CLRN1: variants seen among roughly 807,000 people sequenced by gnomAD.
CLRN1 encodes clarin 1.
Under a neutral mutation model 18.7 loss-of-function variants are expected in CLRN1, and 15 were observed. The observed-to-expected ratio is 0.80, with a 90% CI of 0.54 to 1.23. CLRN1 has a LOEUF of 1.23. CLRN1 is among the 50% of genes most tolerant of loss of function. CLRN1 has a pLI of 0.00. For missense variants in CLRN1, 311 were observed against 277.5 expected (o/e 1.12, Z -0.86); for synonymous variants, 104 against 102.9 (o/e 1.01, Z -0.07).
chr3:150,964,849 A>G (rs1715191675), intron 1 of CLRN1, among the ~76,000 whole-genome samples: 1 of 151,768 alleles, frequency 6.6e-6, no homozygotes, highest in African/African-American at 2.4e-5. Context: ...GAGTTGAACA[A>G]TGAGAACACA....
intron 1 of CLRN1, among the ~76,000 whole-genome samples, chr3:150,959,084 C>G (rs559369685): frequency 3.3e-5 from 5 of 152,290 alleles, no homozygotes; most frequent in Non-Finnish European, 7.4e-5. Flanking sequence ...AAACATGACC[C>G]AGCCCATCCT....
At chr3:150,939,712 T>G (rs1713699128) in intron 2 of CLRN1, among the ~76,000 whole-genome samples, 4 of 152,220 alleles carry the variant, frequency 2.6e-5, no homozygotes, top group Admixed American at 2.6e-4. Flanking sequence ...TTTACATTCC[T>G]TCTGTTAAAA....
At position 150,928,065 on chromosome 3, in the gene CLRN1, C is replaced by A. The variant is rs1576623358; in HGVS notation, c.570G>T (p.Trp190Cys). The stretch of plus-strand genomic sequence containing the variant: ...GAACAAAAAAGCAAAAGAAAATGAC[C>A]CAGAATGAGGTGGTATATTTTTCAC... ...TQSEKYTTSF[W>C]VIFFCFFVHF... Residue 190 changes from tryptophan (W) to cysteine (C), a missense_variant, in exon 3 of 3, where the codon TGG (tryptophan) becomes TGT (cysteine). Coordinates refer to ENST00000327047, the MANE Select transcript of CLRN1 (RefSeq NM_174878.3). 1 of 1,614,020 alleles carries A rather than the reference C, an allele frequency of 6.2e-7. No homozygotes were observed. The highest frequency in any genetic ancestry group is 1.3e-5 in the African/African-American group (1 of 74,978).
At chr3:150,928,368 C>T (rs1712947278) in intron 2 of CLRN1, among the ~76,000 whole-genome samples, 167 bp from the exon 3 acceptor site, 1 of 152,156 alleles carries the variant, frequency 6.6e-6, no homozygotes, top group Non-Finnish European at 1.5e-5. Flanking sequence ...TCTTCAGTCT[C>T]TAGGTGGTAG....
intron 1 of CLRN1, among the ~76,000 whole-genome samples, chr3:150,958,041 T>G (rs1006875505): frequency 3.3e-5 from 5 of 152,224 alleles, no homozygotes; most frequent in African/African-American, 1.2e-4. Context: ...GCTAATCTGC[T>G]GATTCCCACT....
Position 150,956,372 on chromosome 3 carries a change from T to C in CLRN1, c.254-14611A>G, listed in dbSNP as rs1714736597. On this transcript the variant is annotated intron_variant, in intron 1 of 2. Transcript: ENST00000327047. ...ACTTTTTCAACCCTGATTCAAAGCT[T>C]GATTCCCTCTCCATGAAGTCTGGTA... Among the ~76,000 whole-genome samples the C allele has an allele frequency of 2.0e-5, 3 of 152,138 alleles. No individual in the cohort carries two copies. In the South Asian group the frequency reaches 6.2e-4, roughly 32 times the overall value.
intron 1 of CLRN1, among the ~76,000 whole-genome samples, chr3:150,951,931 A>G (rs1473786653): frequency 6.6e-6 from 1 of 152,166 alleles, no homozygotes; most frequent in East Asian, 1.9e-4. Flanking sequence ...ACCTCCCACC[A>G]GGCCCCACCT....
intron 2 of CLRN1, among the ~76,000 whole-genome samples, chr3:150,939,408 A>C (rs1237497950): frequency 6.6e-6 from 1 of 152,188 alleles, no homozygotes; most frequent in African/African-American, 2.4e-5. Flanking sequence ...GGTTCCCCCA[A>C]GCCCTAGGGG....
At chr3:150,964,661 C>T (rs1195736945) in intron 1 of CLRN1, among the ~76,000 whole-genome samples, 1 of 152,140 alleles carries the variant, frequency 6.6e-6, no homozygotes, top group Admixed American at 6.5e-5. Context: ...AAGCCAAATG[C>T]CCATCAATGA....
chr3:150,952,633 T>TAAAC lies in CLRN1; in HGVS notation c.254-10876_254-10873dup, dbSNP rs544994393. 3.3e-4 allele frequency among the ~76,000 whole-genome samples: 50 copies of TAAAC among 152,220 alleles called. No individual in the cohort carries two copies. In the East Asian group the frequency reaches 6.4e-3, roughly 19 times the overall value. Reference sequence around the variant, plus strand: ...TGACTTGGTTTTTACTAGCAGTTATTAAACAAACAAACAAACAAACCCTGA... The same window carrying TAAAC: ...TGACTTGGTTTTTACTAGCAGTTATTAAACAAACAAACAAACAAACAAACCCTGA... On this transcript the variant is annotated intron_variant, in intron 1 of 2. Coordinates refer to ENST00000327047, the MANE Select transcript of CLRN1 (RefSeq NM_174878.3).
chr3:150,959,928 G>C (rs1372869263), intron 1 of CLRN1, among the ~76,000 whole-genome samples: 1 of 152,092 alleles, frequency 6.6e-6, no homozygotes, highest in East Asian at 1.9e-4. Context: ...ACCTAAGTCT[G>C]TACGTAATGG....
chr3:150,969,922 C>T (rs1399030407), intron 1 of CLRN1, among the ~76,000 whole-genome samples: 1 of 152,032 alleles, frequency 6.6e-6, no homozygotes, highest in Non-Finnish European at 1.5e-5. Context: ...TTGCAGTGAG[C>T]CGAAAAAACT....
intron 2 of CLRN1, among the ~76,000 whole-genome samples, chr3:150,936,004 C>A (rs1017726107): frequency 6.6e-6 from 1 of 151,612 alleles, no homozygotes; most frequent in African/African-American, 2.4e-5. Flanking sequence ...TTGTTTTTTT[C>A]TTGTAAATTT....
intron 1 of CLRN1, among the ~76,000 whole-genome samples, chr3:150,946,475 A>G (rs532668080): frequency 1.6e-3 from 243 of 152,108 alleles, no homozygotes; most frequent in Non-Finnish European, 2.8e-3. Context: ...ACTAAGGAAC[A>G]GCTCACTATG....
rs1438911994 is a variant in CLRN1 at position 150,972,533 on chromosome 3, C to T, written c.176G>A (p.Gly59Asp). The part of the protein sequence containing the change: ...ASGQELDKFM[G>D]EMQYGLFHGE... ...GTGGAAAAGCCCGTACTGCATTTCA[C>T]CCATAAACTTGTCCAGCTCCTGCCC... The change falls in exon 1 of 3, where the codon GGT (glycine) becomes GAT (aspartate). Residue 59 changes from glycine (G) to aspartate (D), a missense_variant. Gly to Asp is a moderately conservative substitution (Grantham distance 94, BLOSUM62 -1). Coordinates refer to ENST00000327047, the MANE Select transcript of CLRN1 (RefSeq NM_174878.3). 1 of 1,614,234 alleles carries T rather than the reference C, an allele frequency of 6.2e-7. No individual in the cohort carries two copies. Among genetic ancestry groups the T allele is most frequent in the South Asian group, 1.1e-5 (1 of 91,082 alleles).
chr3:150,932,011 C>G (rs1021767160), intron 2 of CLRN1, among the ~76,000 whole-genome samples: 4 of 152,112 alleles, frequency 2.6e-5, no homozygotes, highest in African/African-American at 9.7e-5. Flanking sequence ...TTCCTTTCAT[C>G]TGTCTGATTT....
intron 1 of CLRN1, among the ~76,000 whole-genome samples, chr3:150,961,777 C>T (rs1715049396): frequency 6.6e-6 from 1 of 152,194 alleles, no homozygotes; most frequent in Non-Finnish European, 1.5e-5. Context: ...AGCCCATCTG[C>T]AGCCAGTCAT....
intron 2 of CLRN1, among the ~76,000 whole-genome samples, chr3:150,930,145 T>C (rs930846329): frequency 2.0e-5 from 3 of 152,194 alleles, no homozygotes; most frequent in Non-Finnish European, 4.4e-5. Context: ...AATCAAGGGA[T>C]AGTAGAGGGG....
chr3:150,935,471 A>G lies in CLRN1; in HGVS notation c.433+6111T>C, dbSNP rs1218274162. On this transcript the variant is annotated intron_variant, in intron 2 of 2. Transcript: ENST00000327047. ...CATCCATGTCCCTACAAAGGACATG[A>G]ACTCATCATTTTTTATGGCTGCATA... Among the ~76,000 whole-genome samples the G allele has an allele frequency of 8.8e-3, 1,341 of 151,900 alleles. 21 individuals carry two copies. Among genetic ancestry groups the G allele is most frequent in the African/African-American group, 0.03 (1,249 of 41,398 alleles).
Sources: gnomAD v4.1 joint callset for allele counts (sites outside exome capture counted in the v4.1 genomes callset) on GRCh38, gnomAD v4.1.1 for gene constraint, MANE v1.5 for transcripts, NCBI Gene and HGNC (gene_info 2026-07-23, HGNC 2026-07-21) for gene names.